ZMAT4: variants seen among roughly 807,000 people sequenced by gnomAD.
The protein encoded by ZMAT4 is zinc finger matrin-type 4, also known as zinc finger matrin-type protein 4.
Under a neutral mutation model 28.7 loss-of-function variants are expected in ZMAT4, and 17 were observed. The observed-to-expected ratio is 0.59, with a 90% CI of 0.41 to 0.89. ZMAT4 has a LOEUF of 0.89. ZMAT4 is among the 40% of genes least tolerant of loss of function. The probability of loss-of-function intolerance (pLI) is 0.00; values close to 1 mark genes in which losing one functional copy is unlikely to be tolerated. For missense variants in ZMAT4, 240 were observed against 283.8 expected (o/e 0.85, Z 1.11); for synonymous variants, 117 against 109.2 (o/e 1.07, Z -0.44).
At chr8:40,781,354 C>T (rs1403136479) in intron 2 of ZMAT4, among the ~76,000 whole-genome samples, 1 of 151,974 alleles carries the variant, frequency 6.6e-6, no homozygotes, top group African/African-American at 2.4e-5. Context: ...TTGCAATGAA[C>T]AAAGTTGGAG....
rs572963264 is a variant in ZMAT4, at chr8:40,597,471, C to T, written c.578-16210G>A. ...CCTGGATCTGTGTGGGGGTCGCCCT[C>T]AGCTCCTTCCGGGATTCCTTGAATG... On this transcript the variant is annotated intron_variant, in intron 5 of 6. Coordinates refer to ENST00000297737, the MANE Select transcript of ZMAT4 (RefSeq NM_024645.3). Among the ~76,000 whole-genome samples the T allele has an allele frequency of 5.0e-3, 768 of 152,300 alleles. 6 individuals are homozygous for T. The highest frequency in any genetic ancestry group is 0.018 in the African/African-American group (733 of 41,568).
Position 40,742,117 on chromosome 8 carries a change from G to T in ZMAT4, c.192+25524C>A, listed in dbSNP as rs548764505. Among the ~76,000 whole-genome samples, 7 of 132,826 alleles carry T rather than the reference G, an allele frequency of 5.3e-5. No individual in the cohort carries two copies. In the East Asian group the frequency reaches 1.5e-3, roughly 28 times the overall value. The allele number at this position is 132,826 out of a possible 152,430, so 87.1% of individuals were successfully genotyped here. ...AACAAAAAACAAAAAACCAAGCTGGGTGTGGTTGCACCTGACTGTAGTCCC... is the reference window on the plus strand; with the variant it reads ...AACAAAAAACAAAAAACCAAGCTGGTTGTGGTTGCACCTGACTGTAGTCCC... On this transcript the variant is annotated intron_variant, in intron 3 of 6. Coordinates refer to ENST00000297737, the MANE Select transcript of ZMAT4 (RefSeq NM_024645.3).
intron 1 of ZMAT4, among the ~76,000 whole-genome samples, chr8:40,889,129 CCTTGAAATGCTAAGACAGGCCTGACCA>C (rs1171876042): frequency 6.6e-6 from 1 of 152,168 alleles, no homozygotes; most frequent in Non-Finnish European, 1.5e-5. Flanking sequence ...GTGATGCACC[CCTTGAAATGCTAAGACAGGCCTGACCA>C]CTGCAGGTGA....
chr8:40,833,128 A>G (rs1816347095), intron 1 of ZMAT4, among the ~76,000 whole-genome samples: 2 of 152,218 alleles, frequency 1.3e-5, no homozygotes, highest in South Asian at 4.1e-4. Context: ...CCAGTGCAGG[A>G]GCCTCAGAGG....
intron 6 of ZMAT4, among the ~76,000 whole-genome samples, chr8:40,563,608 A>G (rs1253003408): frequency 6.6e-6 from 1 of 152,196 alleles, no homozygotes; most frequent in African/African-American, 2.4e-5. Flanking sequence ...AAATGAAAAA[A>G]CAGATAAGAA....
At chr8:40,596,867 G>A (rs961009532) in intron 5 of ZMAT4, among the ~76,000 whole-genome samples, 1 of 152,146 alleles carries the variant, frequency 6.6e-6, no homozygotes, top group Non-Finnish European at 1.5e-5. Context: ...GAGGACGAAG[G>A]CCATAGGCAC....
At chr8:40,716,378 T>G (rs535042107) in intron 3 of ZMAT4, among the ~76,000 whole-genome samples, 12 of 152,132 alleles carry the variant, frequency 7.9e-5, no homozygotes, top group Non-Finnish European at 1.6e-4. Context: ...CCTTGGACCC[T>G]TCCTCCCTTT....
At chr8:40,625,036 G>A (rs1294183655) in intron 5 of ZMAT4, among the ~76,000 whole-genome samples, 2 of 152,210 alleles carry the variant, frequency 1.3e-5, no homozygotes, top group Non-Finnish European at 2.9e-5. Flanking sequence ...AGAGTGTTGA[G>A]AAGGCTCTCT....
chr8:40,600,547 T>C (rs1244895262), intron 5 of ZMAT4, among the ~76,000 whole-genome samples: 2 of 152,198 alleles, frequency 1.3e-5, no homozygotes, highest in Non-Finnish European at 2.9e-5. Flanking sequence ...GTCTCTGGGC[T>C]GTCCTAATCT....
intron 2 of ZMAT4, among the ~76,000 whole-genome samples, chr8:40,769,901 T>A (rs373388326): frequency 6.6e-6 from 1 of 151,916 alleles, no homozygotes; most frequent in South Asian, 2.1e-4. Flanking sequence ...TCAGAACCCA[T>A]TGGCTGAAAA....
At chr8:40,552,530 A>T (rs895432505) in intron 6 of ZMAT4, among the ~76,000 whole-genome samples, 1 of 152,176 alleles carries the variant, frequency 6.6e-6, no homozygotes, top group Non-Finnish European at 1.5e-5. Context: ...TTTAACTAAC[A>T]TTTACTGAAC....
chr8:40,622,037 T>C (rs2118693826), intron 5 of ZMAT4, among the ~76,000 whole-genome samples: 1 of 152,344 alleles, frequency 6.6e-6, no homozygotes, highest in South Asian at 2.1e-4. Flanking sequence ...ACATTTATTA[T>C]ATGCTTAATA....
intron 3 of ZMAT4, among the ~76,000 whole-genome samples, chr8:40,717,102 C>A (rs1381282007): frequency 6.6e-6 from 1 of 152,188 alleles, no homozygotes; most frequent in African/African-American, 2.4e-5. Context: ...GTAATTTTAT[C>A]TTTGATTGCT....
chr8:40,775,872 C>T (rs116482034), intron 2 of ZMAT4, among the ~76,000 whole-genome samples: 349 of 152,178 alleles, frequency 2.3e-3, no homozygotes, highest in African/African-American at 7.4e-3. Flanking sequence ...CTGATAGGAC[C>T]GGTGTCTTTA....
At chr8:40,586,506 T>C (rs1804676660) in intron 5 of ZMAT4, among the ~76,000 whole-genome samples, 2 of 152,174 alleles carry the variant, frequency 1.3e-5, no homozygotes, top group African/African-American at 4.8e-5. Context: ...AAGTGAAATG[T>C]TACAGGAGCT....
chr8:40,723,122 A>C (rs941350270), intron 3 of ZMAT4, among the ~76,000 whole-genome samples: 75 of 152,258 alleles, frequency 4.9e-4, no homozygotes, highest in African/African-American at 1.6e-3. Flanking sequence ...TAGAACTGTA[A>C]CCCCCAGAGC....
At chr8:40,771,425 AAATAT>A (rs887272953) in intron 2 of ZMAT4, among the ~76,000 whole-genome samples, 52 of 152,038 alleles carry the variant, frequency 3.4e-4, no homozygotes, top group African/African-American at 1.2e-3. Flanking sequence ...CCTATAACAT[AAATAT>A]AATAATAATA....
At chr8:40,706,802 C>T (rs982386933) in intron 3 of ZMAT4, among the ~76,000 whole-genome samples, 1 of 152,136 alleles carries the variant, frequency 6.6e-6, no homozygotes, top group South Asian at 2.1e-4. Flanking sequence ...TCCTCTGCTC[C>T]TCATCTCCCG....
rs58513087 is a variant in ZMAT4, at chr8:40,723,542, C to CAAAA, written c.193-26145_193-26142dup. ...TGGGTGACACAGCAAGATTCCATCT[C>CAAAA]AAAAAAAAAAAAAAAAAAAAAAAGA... On this transcript the variant is annotated intron_variant, in intron 3 of 6. Transcript: ENST00000297737. 3.3e-3 allele frequency among the ~76,000 whole-genome samples: 218 copies of CAAAA among 66,754 alleles called. 13 individuals carry two copies. The highest frequency in any genetic ancestry group is 0.031 in the South Asian group (34 of 1,112). The allele number at this position is 66,754 out of a possible 152,430, so 43.8% of individuals were successfully genotyped here. A position where few individuals can be genotyped will look rare whatever the true frequency, so the allele number is the denominator to read the frequency against.
Sources: allele counts gnomAD v4.1 joint callset (sites outside exome capture counted in the v4.1 genomes callset), GRCh38; gene constraint gnomAD v4.1.1; transcripts MANE v1.5; gene names NCBI Gene and HGNC (gene_info 2026-07-23, HGNC 2026-07-21).